NEB: variants seen among roughly 807,000 people sequenced by gnomAD.
The protein encoded by NEB is nebulin.
A neutral mutation model predicts 952.2 loss-of-function variants in NEB; 512 were observed. The ratio of observed to expected loss-of-function variants is 0.54; its 90% CI spans 0.50 to 0.58. The LOEUF (loss-of-function observed/expected upper bound fraction) is 0.58. Ranked by LOEUF, NEB falls within the 20% of genes least tolerant of loss-of-function variation. NEB has a pLI of 0.00. For missense variants in NEB, 8,428 were observed against 9,231.1 expected (o/e 0.91, Z 3.56); for synonymous variants, 2,900 against 3,149.8 (o/e 0.92, Z 2.66).
intron 107 of NEB, among the ~76,000 whole-genome samples, chr2:151,573,964 CTCT>C (rs2153794487): frequency 6.6e-6 from 1 of 151,742 alleles, no homozygotes; most frequent in South Asian, 2.1e-4. Flanking sequence ...TCTGTTCTTA[CTCT>C]TTTTTGTTTG....
In NEB at chr2:151,529,096, G is replaced by C. The variant is rs904175521; in HGVS notation, c.21735+114C>G. 4.1e-6 allele frequency: 3 copies of C among 739,318 alleles called. No individual in the cohort carries two copies. In the South Asian group the frequency reaches 4.7e-5, roughly 12 times the overall value. The allele number at this position is 739,318 out of a possible 1,614,324, so 45.8% of individuals were successfully genotyped here. A position where few individuals can be genotyped will look rare whatever the true frequency, so the allele number is the denominator to read the frequency against. On this transcript the variant is annotated intron_variant, in intron 146 of 181. Transcript: ENST00000397345. ...TTCATGCTCCTGGGGCCTGACTCTT[G>C]CTTTGGAATCAATCACTAGAGCTGA...
intron 165 of NEB, 23 bp from the exon 166 acceptor site, chr2:151,503,464 C>A: frequency 6.6e-7 from 1 of 1,510,184 alleles, no homozygotes; most frequent in Non-Finnish European, 9.2e-7. Flanking sequence ...ATTAGAATAC[C>A]CAGAAAGGTA....
intron 18 of NEB, among the ~76,000 whole-genome samples, chr2:151,694,863 G>T (rs1407961013): frequency 6.6e-6 from 1 of 152,056 alleles, no homozygotes; most frequent in Non-Finnish European, 1.5e-5. Context: ...TTTAATTCTA[G>T]CTATTATACT....
At position 151,493,796 on chromosome 2, in the gene NEB, G is replaced by A. The variant is rs781124672; in HGVS notation, c.24651C>T (p.Arg8217=). 1 of 1,582,226 alleles carries A rather than the reference G, an allele frequency of 6.3e-7. No individual in the cohort carries two copies. The change falls in exon 175 of 182, where the codon CGC becomes CGT. Residue 8217 remains arginine (R), a synonymous_variant. Coordinates refer to ENST00000397345, the MANE Select transcript of NEB (RefSeq NM_001164508.2). ...PFTPEMERVK[R]NQENFSSVLY... ...ATACCGAGCTAAAGTTTTCTTGATT[G>A]CGTTTCACTCTTTCCATCTCAGGAG...
At chr2:151,710,982 G>T (rs1230057170) in intron 10 of NEB, among the ~76,000 whole-genome samples, 1 of 152,118 alleles carries the variant, frequency 6.6e-6, no homozygotes, top group Non-Finnish European at 1.5e-5. Flanking sequence ...AATTCAACTT[G>T]CAGGCTAACG....
chr2:151,644,978 A>G (rs1171610410), intron 55 of NEB, among the ~76,000 whole-genome samples: 1 of 152,200 alleles, frequency 6.6e-6, no homozygotes, highest in African/African-American at 2.4e-5. Context: ...AGAGCATGTT[A>G]GTGTAGGCCA....
intron 168 of NEB, among the ~76,000 whole-genome samples, chr2:151,501,132 A>T (rs199692784): frequency 4.6e-5 from 7 of 152,174 alleles, no homozygotes; most frequent in Admixed American, 1.3e-4. Context: ...CTGGAAATCA[A>T]TTAACTTCAA....
In NEB at chr2:151,654,056, T is replaced by G. The variant is rs778637750; in HGVS notation, c.6851A>C (p.Tyr2284Ser). 3.3e-5 allele frequency: 53 copies of G among 1,611,598 alleles called. No individual in the cohort carries two copies. Among genetic ancestry groups the G allele is most frequent in the Non-Finnish European group, 4.4e-5 (52 of 1,178,664 alleles). Residue 2284 changes from tyrosine (Y) to serine (S), a missense_variant, in exon 52 of 182, where the codon TAT (tyrosine) becomes TCT (serine). By Grantham distance (144) the Tyr-to-Ser change is moderately radical (BLOSUM62 -2). Transcript: ENST00000397345. ...LGWEEALKKG[Y>S]DLPVDAISVQ... ...AGAAATTGCATCAACTGGGAGATCA[T>G]AGCCTTTCTTCAAAGCTTCTTCCCA...
chr2:151,661,114 C>T (rs2099143124), intron 46 of NEB, among the ~76,000 whole-genome samples: 1 of 152,108 alleles, frequency 6.6e-6, no homozygotes, highest in African/African-American at 2.4e-5. Context: ...CTTTTCTCAA[C>T]TCTGCAATGG....
At chr2:151,505,895 A>T (rs937008033) in intron 164 of NEB, 28 of 548,018 alleles carry the variant, frequency 5.1e-5, no homozygotes, top group Non-Finnish European at 8.8e-5. Flanking sequence ...ACATACATAT[A>T]TCCAGGAAGG....
intron 10 of NEB, among the ~76,000 whole-genome samples, chr2:151,712,150 A>C (rs375289058): frequency 1.0e-3 from 152 of 152,246 alleles, no homozygotes; most frequent in African/African-American, 3.4e-3. Context: ...CTAATGCATC[A>C]TTTTTTGGAG....
rs530721101 is a variant in NEB at position 151,516,234 on chromosome 2, T to C, written c.22905+225A>G. 7.9e-5 allele frequency among the ~76,000 whole-genome samples: 12 copies of C among 152,360 alleles called. 1 individual carries two copies. The South Asian group carries it at 2.5e-3, about 32-fold the overall frequency. On this transcript the variant is annotated intron_variant, in intron 157 of 181. Transcript: ENST00000397345. ...TTTCCATGTTCTAATTTTACAGAAA[T>C]GGCTGTTGAAATAAGACATATGGTA...
chr2:151,732,605 CAT>C (rs2099811554), intron 3 of NEB, among the ~76,000 whole-genome samples: 1 of 152,124 alleles, frequency 6.6e-6, no homozygotes, highest in Admixed American at 6.6e-5. Flanking sequence ...TGTCTGTGCA[CAT>C]GTGTATGTAT....
rs1157260383 is a variant in NEB, at chr2:151,568,173, G to A, written c.17742C>T (p.Leu5914=). ...QEAARILDQY[L]YKEGWERQKA... is the part of the protein sequence containing the mutation. ...TTTGTCTCTCCCAGCCTTCCTTGTA[G>A]AGATACTGAAAGACAGAGCCACCAT... Residue 5914 remains leucine (L), a synonymous_variant, in exon 113 of 182, where the codon CTC becomes CTT. Coordinates refer to ENST00000397345, the MANE Select transcript of NEB (RefSeq NM_001164508.2). 6.2e-7 allele frequency: 1 copy of A among 1,612,832 alleles called. No individual in the cohort carries two copies. Among genetic ancestry groups the A allele is most frequent in the East Asian group, 2.2e-5 (1 of 44,810 alleles).
intron 110 of NEB, 84 bp from the exon 111 acceptor site, chr2:151,568,800 C>T (rs2096526249): frequency 2.1e-6 from 2 of 971,212 alleles, no homozygotes; most frequent in Non-Finnish European, 3.1e-6. Flanking sequence ...TAGAGTCCTT[C>T]TCTACTAGAA....
At chr2:151,574,086 T>G (rs2096745152) in intron 107 of NEB, among the ~76,000 whole-genome samples, 1 of 152,202 alleles carries the variant, frequency 6.6e-6, no homozygotes, top group Non-Finnish European at 1.5e-5. Context: ...GCCATTCTCC[T>G]GCCTCAGTCT....
At chr2:151,592,240 T>C in intron 94 of NEB, 102 bp from the exon 95 acceptor site, 1 of 1,457,966 alleles carries the variant, frequency 6.9e-7, no homozygotes, top group Non-Finnish European at 9.3e-7. Flanking sequence ...AATAAATGGA[T>C]ATGAATAAAA....
rs936522334 is a variant in NEB at position 151,519,195 on chromosome 2, T to C, written c.22591-126A>G. 33 of 710,892 alleles carry C rather than the reference T, an allele frequency of 4.6e-5. 1 individual carries two copies. The highest frequency in any genetic ancestry group is 3.7e-4 in the African/African-American group (21 of 57,278). The allele number at this position is 710,892 out of a possible 1,614,324, so 44.0% of individuals were successfully genotyped here. A position where few individuals can be genotyped will look rare whatever the true frequency, so the allele number is the denominator to read the frequency against. On this transcript the variant is annotated intron_variant, in intron 154 of 181. Coordinates refer to ENST00000397345, the MANE Select transcript of NEB (RefSeq NM_001164508.2). Reference sequence around the variant, plus strand: ...GATGGTGATGAAAAATCATACCTCATTCATAGTAGCCAGAAGGCAGAAACA... The same window carrying C: ...GATGGTGATGAAAAATCATACCTCACTCATAGTAGCCAGAAGGCAGAAACA...
At position 151,687,479 on chromosome 2, in the gene NEB, G is replaced by C. The variant is rs777445109; in HGVS notation, c.2577C>G (p.Leu859=). The C allele has an allele frequency of 1.9e-6, 3 of 1,613,996 alleles. No homozygotes were observed. The highest frequency in any genetic ancestry group is 1.7e-6 in the Non-Finnish European group (2 of 1,179,878). ...EKSKGKMIGA[L]SINDDPKMLH... ...GCATCTTTGGATCGTCATTAATGCT[G>C]AGGGCTCCAATCATTTTCCCTTTGC... The change falls in exon 27 of 182, where the codon CTC becomes CTG. Residue 859 remains leucine (L), a synonymous_variant. Transcript: ENST00000397345.
Sources: allele counts gnomAD v4.1 joint callset (sites outside exome capture counted in the v4.1 genomes callset), GRCh38; gene constraint gnomAD v4.1.1; transcripts MANE v1.5; gene names NCBI Gene and HGNC (gene_info 2026-07-23, HGNC 2026-07-21).